DAB1: variants seen among roughly 807,000 people sequenced by gnomAD.
DAB1 encodes DAB adaptor protein 1, also known as disabled homolog 1.
DAB1 carries 15 observed loss-of-function variants against 64.6 expected under a neutral mutation model. The observed-to-expected ratio is 0.23, with a 90% CI of 0.16 to 0.36. The LOEUF is 0.36. Among genes scored for constraint, DAB1 ranks in the 10% least tolerant of loss-of-function variants. DAB1 has a pLI of 1.00. For synonymous variants in DAB1, 235 were observed against 251.9 expected (o/e 0.93, Z 0.64); for missense variants, 596 against 706.7 (o/e 0.84, Z 1.78).
chr1:58,300,402 C>G (rs572235555), intron 4 of DAB1, among the ~76,000 whole-genome samples: 3 of 151,662 alleles, frequency 2.0e-5, no homozygotes. Flanking sequence ...AAAAAATTAG[C>G]CAGGCGTAGT....
intron 5 of DAB1, among the ~76,000 whole-genome samples, chr1:57,920,951 CT>C (rs36062180): frequency 0.12 from 18,256 of 152,046 alleles, 1,842 homozygotes; most frequent in African/African-American, 0.27. Context: ...GGTATTTATT[CT>C]ACAGATCTAC....
At chr1:57,927,292 C>T (rs1644893003) in intron 5 of DAB1, among the ~76,000 whole-genome samples, 2 of 152,156 alleles carry the variant, frequency 1.3e-5, no homozygotes, top group African/African-American at 4.8e-5. Context: ...CAGCTGCCCC[C>T]TTGAGTGATA....
intron 3 of DAB1, among the ~76,000 whole-genome samples, chr1:58,361,275 T>A (rs997275513): frequency 6.6e-6 from 1 of 152,202 alleles, no homozygotes; most frequent in East Asian, 1.9e-4. Context: ...AGTGTGTGGT[T>A]AGAGAGAAAA....
At chr1:58,358,255 T>A (rs1482689476) in intron 3 of DAB1, among the ~76,000 whole-genome samples, 1 of 152,152 alleles carries the variant, frequency 6.6e-6, no homozygotes, top group East Asian at 1.9e-4. Flanking sequence ...AGTTAGAAAT[T>A]CACCCATTGT....
chr1:56,997,132 C>T lies in DAB1; in HGVS notation c.*1012G>A, dbSNP rs1645656985. The T allele has an allele frequency of 6.6e-6, 1 of 152,024 alleles. No individual in the cohort carries two copies. The highest frequency in any genetic ancestry group is 2.4e-5 in the African/African-American group (1 of 41,392). 9.4% of individuals were successfully genotyped at this position (152,024 alleles called of 1,614,324 possible). On this transcript the variant is annotated 3_prime_UTR_variant, in exon 15 of 15. Transcript: ENST00000371236. ...CCAAAACCACATTACCAGAATTGTA[C>T]CAGAATTATTTGGCAAATGACTTTT... is the stretch of plus-strand genomic sequence containing the variant.
At chr1:57,395,580 T>G (rs1264440981) in intron 1 of DAB1, among the ~76,000 whole-genome samples, 1 of 152,194 alleles carries the variant, frequency 6.6e-6, no homozygotes, top group Admixed American at 6.5e-5. Context: ...TTCCCATTTC[T>G]CAGATGAAAT....
At chr1:57,634,903 G>T (rs1646032827) in intron 7 of DAB1, among the ~76,000 whole-genome samples, 1 of 152,144 alleles carries the variant, frequency 6.6e-6, no homozygotes, top group African/African-American at 2.4e-5. Context: ...TTTATATAAG[G>T]TGGTCAAAGA....
chr1:57,591,960 T>C (rs541339390), intron 7 of DAB1, among the ~76,000 whole-genome samples: 1 of 152,314 alleles, frequency 6.6e-6, no homozygotes, highest in African/African-American at 2.4e-5. Context: ...TAGCTACAAA[T>C]ACACTCTGTG....
At chr1:57,597,246 C>T (rs1645521811) in intron 7 of DAB1, among the ~76,000 whole-genome samples, 1 of 152,180 alleles carries the variant, frequency 6.6e-6, no homozygotes, top group Non-Finnish European at 1.5e-5. Flanking sequence ...GGTTACAAAT[C>T]TGCCATCTAA....
At chr1:57,749,201 G>A (rs562855133) in intron 6 of DAB1, among the ~76,000 whole-genome samples, 185 of 152,316 alleles carry the variant, frequency 1.2e-3, no homozygotes, top group African/African-American at 4.2e-3. Context: ...GCATAAGGCA[G>A]TTAGCTTGGC....
intron 2 of DAB1, among the ~76,000 whole-genome samples, chr1:57,189,408 C>A (rs1663914098): frequency 6.6e-6 from 1 of 152,102 alleles, no homozygotes; most frequent in East Asian, 1.9e-4. Context: ...TCTGACCTTC[C>A]AAGGCCAAGT....
chr1:57,145,486 A>T, intron 2 of DAB1, 57 bp from the exon 3 acceptor site: 2 of 1,569,062 alleles, frequency 1.3e-6, no homozygotes, highest in Non-Finnish European at 1.7e-6. Context: ...AGTGGCTTTG[A>T]GTATCCACAA....
Position 58,224,071 on chromosome 1 carries a change from G to A in DAB1, n.310-73483C>T, listed in dbSNP as rs571700267. 5.3e-5 allele frequency among the ~76,000 whole-genome samples: 8 copies of A among 152,306 alleles called. No individual in the cohort carries two copies. In the East Asian group the frequency reaches 1.5e-3, roughly 29 times the overall value. On this transcript the variant is annotated intron_variant and non_coding_transcript_variant, in intron 4 of 20. Coordinates refer to the DAB1 transcript ENST00000485760. ...CTGTGGGCTATTAAAGGACAATTGG[G>A]CTCCTTGCTGGATTTCTAGTGGCAG...
chr1:57,565,031 G>T (rs1361814838), intron 7 of DAB1, among the ~76,000 whole-genome samples: 1 of 152,092 alleles, frequency 6.6e-6, no homozygotes, highest in South Asian at 2.1e-4. Context: ...GAGAAAGGTC[G>T]GGTTACCCAC....
At chr1:58,076,807 G>A (rs1297875864) in intron 5 of DAB1, among the ~76,000 whole-genome samples, 2 of 151,926 alleles carry the variant, frequency 1.3e-5, no homozygotes, top group African/African-American at 4.9e-5. Flanking sequence ...AGTGACAGAA[G>A]CTCCTTTCTT....
chr1:58,083,698 C>T (rs7546050), intron 5 of DAB1, among the ~76,000 whole-genome samples: 4,633 of 152,294 alleles, frequency 0.03, 219 homozygotes, highest in African/African-American at 0.11. Context: ...AAAGTCCCTG[C>T]TTATGACACT....
At chr1:57,171,966 G>A (rs1038830840) in intron 2 of DAB1, among the ~76,000 whole-genome samples, 4 of 152,128 alleles carry the variant, frequency 2.6e-5, no homozygotes, top group Non-Finnish European at 5.9e-5. Flanking sequence ...TCAAGATCAA[G>A]TTGCCGGCAG....
chr1:58,073,893 G>A (rs1649430940), intron 5 of DAB1, among the ~76,000 whole-genome samples: 3 of 152,132 alleles, frequency 2.0e-5, no homozygotes. Context: ...ACTCTCTAAG[G>A]GAAGCAGAAG....
chr1:57,232,954 G>A (rs1349801066), intron 2 of DAB1, among the ~76,000 whole-genome samples: 1 of 152,192 alleles, frequency 6.6e-6, no homozygotes, highest in Non-Finnish European at 1.5e-5. Context: ...TGATCCTTAT[G>A]AGGAACTTCA....
Sources: allele counts gnomAD v4.1 joint callset (sites outside exome capture counted in the v4.1 genomes callset), GRCh38; gene constraint gnomAD v4.1.1; transcripts MANE v1.5; gene names NCBI Gene and HGNC (gene_info 2026-07-23, HGNC 2026-07-21).